The following KCTD19 variants were observed in gnomAD, a reference collection of about 807,000 sequenced individuals.
KCTD19 encodes the protein potassium channel tetramerization domain containing 19, also known as BTB/POZ domain-containing protein KCTD19.
A neutral mutation model predicts 103.5 loss-of-function variants in KCTD19; 67 were observed. The observed-to-expected ratio is 0.65, with a 90% CI of 0.53 to 0.79. The LOEUF is 0.79. Ranked by LOEUF, KCTD19 falls within the 30% of genes least tolerant of loss-of-function variation. KCTD19 has a pLI of 0.00. For synonymous variants in KCTD19, 439 were observed against 452.2 expected, an observed-to-expected ratio of 0.97 and a Z score of 0.37; for missense variants, 980 against 1,136.1, an observed-to-expected ratio of 0.86 and a Z score of 1.98.
At chr16:67,291,592 G>T in intron 13 of KCTD19, 54 bp downstream of exon 13, 1 of 1,580,860 alleles carries the variant, frequency 6.3e-7, no homozygotes, top group Non-Finnish European at 8.6e-7. Context: ...CTGGGAGGGG[G>T]CTCAGGCATC....
At chr16:67,298,910 A>AGCCTG (rs199700238) in intron 6 of KCTD19, among the ~76,000 whole-genome samples, 10 of 152,172 alleles carry the variant, frequency 6.6e-5, no homozygotes, top group African/African-American at 9.7e-5. Flanking sequence ...ACCTCTGGGA[A>AGCCTG]GCCTGGCCTG....
At chr16:67,315,311 CTT>C (rs771972233) in intron 2 of KCTD19, among the ~76,000 whole-genome samples, 25 of 141,444 alleles carry the variant, frequency 1.8e-4, no homozygotes, top group African/African-American at 1.8e-4. Context: ...AACTATTCCT[CTT>C]TTTTTTTTTT....
In KCTD19 at chr16:67,303,542, C is replaced by T. The variant is rs1456256893; in HGVS notation, c.452-205G>A. On this transcript the variant is annotated intron_variant, in intron 3 of 15. Coordinates refer to ENST00000304372, the MANE Select transcript of KCTD19 (RefSeq NM_001100915.3). This position sits in a 1 kb window ranked among gnomAD's most constrained non-coding sequence, Gnocchi z 4.3. ...GTGGTAGGGAGTGGGGCATGGAAGTCTATTTTTTTTTCTTTTCTTTTTTGA... is the reference window on the plus strand; with the variant it reads ...GTGGTAGGGAGTGGGGCATGGAAGTTTATTTTTTTTTCTTTTCTTTTTTGA... Among the ~76,000 whole-genome samples the T allele has an allele frequency of 6.8e-6, 1 of 147,794 alleles. No individual in the cohort carries two copies. The highest frequency in any genetic ancestry group is 1.5e-5 in the Non-Finnish European group (1 of 67,954).
intron 6 of KCTD19, among the ~76,000 whole-genome samples, chr16:67,298,024 A>G (rs1351197491): frequency 7.9e-6 from 1 of 127,220 alleles, no homozygotes; most frequent in Non-Finnish European, 1.6e-5. Flanking sequence ...GACGGAGTCT[A>G]ACTCTGTCAC....
chr16:67,311,469 A>G (rs770246093), intron 2 of KCTD19, among the ~76,000 whole-genome samples: 3 of 151,974 alleles, frequency 2.0e-5, no homozygotes, highest in Admixed American at 6.6e-5. Flanking sequence ...CGCCTGGCTA[A>G]TTTTTGTAGT....
intron 2 of KCTD19, among the ~76,000 whole-genome samples, chr16:67,304,778 C>T (rs1382483850): frequency 2.6e-5 from 4 of 152,056 alleles, no homozygotes; most frequent in Admixed American, 2.0e-4. Context: ...ATTCTCCTGC[C>T]TCAGCCTCTC....
chr16:67,319,131 G>A (rs1329857921), intron 2 of KCTD19, among the ~76,000 whole-genome samples: 1 of 151,902 alleles, frequency 6.6e-6, no homozygotes, highest in Non-Finnish European at 1.5e-5. Context: ...GCTGAGGCAG[G>A]AGAATCACTT....
intron 2 of KCTD19, among the ~76,000 whole-genome samples, chr16:67,308,566 T>C (rs1027258528): frequency 6.6e-6 from 1 of 152,186 alleles, no homozygotes; most frequent in Non-Finnish European, 1.5e-5. Flanking sequence ...TCACGTTCTT[T>C]GACACCTCCC....
chr16:67,295,241 A>G, intron 9 of KCTD19, 22 bp downstream of exon 9: 1 of 1,612,614 alleles, frequency 6.2e-7, no homozygotes, highest in Admixed American at 1.7e-5. Flanking sequence ...ATTTCATCTT[A>G]CTGCGTCCTT....
Position 67,297,633 on chromosome 16 carries a change from C to T in KCTD19, c.1017G>A (p.Leu339=). The T allele has an allele frequency of 6.2e-7, 1 of 1,613,948 alleles. No individual in the cohort carries two copies. The part of the protein sequence containing the change: ...KNWLGTCRLP[L]TETISEVYEL... ...CATATACCTCGGAAATGGTCTCTGT[C>T]AGGGGCAGCCGGCAAGTCCCCAGCC... is the stretch of plus-strand genomic sequence containing the variant. Residue 339 remains leucine, a synonymous_variant, in exon 7 of 16, where the codon CTG becomes CTA. Coordinates refer to ENST00000304372, the MANE Select transcript of KCTD19 (RefSeq NM_001100915.3).
At chr16:67,292,284 C>G (rs2142500603) in intron 12 of KCTD19, among the ~76,000 whole-genome samples, 1 of 152,304 alleles carries the variant, frequency 6.6e-6, no homozygotes, top group South Asian at 2.1e-4. Flanking sequence ...TCAAGTCACC[C>G]CAGCCTTGCA....
At chr16:67,295,989 C>T in intron 8 of KCTD19, 170 bp downstream of exon 8, 1 of 589,288 alleles carries the variant, frequency 1.7e-6, no homozygotes. Context: ...GTGATCTGCC[C>T]ACCTCAGCCT....
chr16:67,294,057 G>A lies in KCTD19; in HGVS notation c.1705C>T (p.Arg569Trp), dbSNP rs758471519. 4.0e-5 allele frequency: 64 copies of A among 1,614,094 alleles called. No individual in the cohort carries two copies. The highest frequency in any genetic ancestry group is 6.7e-5 in the East Asian group (3 of 44,888). ...NQMDEAEQYT[R>W]PIQVSLCRNA... ...CGGCATAGGGACACCTGGATGGGCCGAGTGTACTGCTCAGCCTCATCCATC... is the reference window on the plus strand; with the variant it reads ...CGGCATAGGGACACCTGGATGGGCCAAGTGTACTGCTCAGCCTCATCCATC... Residue 569 changes from arginine to tryptophan, a missense_variant, in exon 12 of 16, where the codon CGG becomes TGG. Coordinates refer to ENST00000304372, the MANE Select transcript of KCTD19 (RefSeq NM_001100915.3).
intron 8 of KCTD19, 75 bp from the exon 9 acceptor site, chr16:67,295,480 TCC>T (rs1330047807): frequency 2.2e-6 from 3 of 1,392,498 alleles, no homozygotes; most frequent in Non-Finnish European, 3.0e-6. Context: ...CTTCTCTCAC[TCC>T]CCTTTTCCAA....
chr16:67,302,929 A>C, intron 4 of KCTD19: 1 of 551,582 alleles, frequency 1.8e-6, no homozygotes, highest in Non-Finnish European at 3.2e-6. Context: ...AGGCCATCCC[A>C]AAACAAATAG....
chr16:67,295,262 C>T lies in KCTD19; in HGVS notation c.1391+1G>A. 1 of 1,614,008 alleles carries T rather than the reference C, an allele frequency of 6.2e-7. No individual in the cohort carries two copies. The highest frequency in any genetic ancestry group is 8.5e-7 in the Non-Finnish European group (1 of 1,179,894). ...TCTTACTGCGTCCTTGCTTCACTTA[C>T]TTAAATTCAGATGGTAAAAACAGTT... is the stretch of plus-strand genomic sequence containing the variant. On this transcript the variant is annotated splice_donor_variant, in intron 9 of 15. Transcript: ENST00000304372. LOFTEE classifies it high-confidence loss of function.
chr16:67,311,765 GT>G (rs2036952157), intron 2 of KCTD19, among the ~76,000 whole-genome samples: 1 of 151,996 alleles, frequency 6.6e-6, no homozygotes, highest in African/African-American at 2.4e-5. Flanking sequence ...CTGCATGTAG[GT>G]GTGTGTCTTT....
At chr16:67,311,550 G>A (rs915729720) in intron 2 of KCTD19, among the ~76,000 whole-genome samples, 4 of 152,066 alleles carry the variant, frequency 2.6e-5, no homozygotes, top group African/African-American at 9.7e-5. Context: ...TGATCCACCT[G>A]CCTCAGCCTC....
chr16:67,291,170 C>T, intron 14 of KCTD19, 139 bp downstream of exon 14: 1 of 1,207,920 alleles, frequency 8.3e-7, no homozygotes. Flanking sequence ...CCTCCCTGTC[C>T]CACCACTCTT....
Sources: allele counts gnomAD v4.1 joint callset (sites outside exome capture counted in the v4.1 genomes callset), GRCh38; gene constraint gnomAD v4.1.1; non-coding constraint Gnocchi (gnomAD v3.1); transcripts MANE v1.5; gene names NCBI Gene and HGNC (gene_info 2026-07-23, HGNC 2026-07-21).